RUNDC3B: variants seen among roughly 807,000 people sequenced by gnomAD.
The protein encoded by RUNDC3B is RUN domain-containing protein 3B.
In RUNDC3B, 33 loss-of-function variants were observed where a neutral mutation model predicts 58.4. The observed-to-expected ratio is 0.56, with a 90% CI of 0.43 to 0.75. The LOEUF is 0.75. RUNDC3B is among the 30% of genes least tolerant of loss of function. The probability of loss-of-function intolerance (pLI) is 0.00; values close to 1 mark genes in which losing one functional copy is unlikely to be tolerated. For missense variants in RUNDC3B, 501 were observed against 535.7 expected, an observed-to-expected ratio of 0.94 and a Z score of 0.64; for synonymous variants, 193 against 195.2, an observed-to-expected ratio of 0.99 and a Z score of 0.10.
chr7:87,692,612 G>T (rs965133961), intron 2 of RUNDC3B, among the ~76,000 whole-genome samples: 11 of 152,124 alleles, frequency 7.2e-5, no homozygotes, highest in Non-Finnish European at 1.5e-4. Flanking sequence ...CTTTAAGTCA[G>T]ATTTTCATGG....
intron 9 of RUNDC3B, among the ~76,000 whole-genome samples, chr7:87,812,659 G>T (rs1326866460): frequency 2.0e-5 from 3 of 152,154 alleles, no homozygotes; most frequent in Non-Finnish European, 2.9e-5. Context: ...GAAAGGTAAA[G>T]ATTAAACTAC....
intron 2 of RUNDC3B, among the ~76,000 whole-genome samples, chr7:87,694,386 A>C (rs1346320896): frequency 1.3e-5 from 2 of 152,140 alleles, no homozygotes; most frequent in African/African-American, 4.8e-5. Context: ...TTATTTACTT[A>C]TTCAAACCTT....
chr7:87,686,436 A>G (rs1361382841), intron 2 of RUNDC3B, among the ~76,000 whole-genome samples: 1 of 152,224 alleles, frequency 6.6e-6, no homozygotes, highest in Non-Finnish European at 1.5e-5. Flanking sequence ...AAAGAGGCAT[A>G]GAAGTACCTC....
At chr7:87,807,847 A>G (rs1040029249) in intron 9 of RUNDC3B, among the ~76,000 whole-genome samples, 1 of 152,184 alleles carries the variant, frequency 6.6e-6, no homozygotes, top group African/African-American at 2.4e-5. Context: ...ATAAAACACA[A>G]TTTGAAGGAA....
intron 1 of RUNDC3B, among the ~76,000 whole-genome samples, chr7:87,646,747 G>C (rs1333580229): frequency 7.0e-6 from 1 of 142,674 alleles, no homozygotes; most frequent in African/African-American, 2.5e-5. Flanking sequence ...CCAGGGATTG[G>C]CAGCATTATT....
intron 6 of RUNDC3B, among the ~76,000 whole-genome samples, chr7:87,749,299 G>A (rs1006561605): frequency 2.6e-5 from 4 of 152,212 alleles, no homozygotes; most frequent in South Asian, 2.1e-4. Flanking sequence ...TTCTCATGAT[G>A]TACCATCATA....
chr7:87,820,608 T>C (rs1254406189), intron 10 of RUNDC3B, among the ~76,000 whole-genome samples: 1 of 152,130 alleles, frequency 6.6e-6, no homozygotes, highest in Admixed American at 6.5e-5. Context: ...TAGACCAATA[T>C]CCTTGATGAA....
intron 6 of RUNDC3B, among the ~76,000 whole-genome samples, chr7:87,743,524 G>C (rs1275200911): frequency 6.6e-6 from 1 of 152,062 alleles, no homozygotes; most frequent in Non-Finnish European, 1.5e-5. Flanking sequence ...CAGGAGTAAG[G>C]TGGTATCACA....
chr7:87,748,381 C>T (rs1182182304), intron 6 of RUNDC3B, among the ~76,000 whole-genome samples: 3 of 152,146 alleles, frequency 2.0e-5, no homozygotes, highest in Non-Finnish European at 4.4e-5. Flanking sequence ...TTCAGAGGGT[C>T]TGTGGGTCCT....
chr7:87,788,112 G>T (rs1473622972), intron 8 of RUNDC3B, among the ~76,000 whole-genome samples: 2 of 152,162 alleles, frequency 1.3e-5, no homozygotes, highest in Non-Finnish European at 2.9e-5. Flanking sequence ...CATTGACAAA[G>T]GTATATTTGA....
rs985325439 is a variant in RUNDC3B, at chr7:87,830,266, TAAA to T, written c.*247_*249del. The T allele has an allele frequency of 4.4e-5, 10 of 227,052 alleles. No homozygotes were observed. The highest frequency in any genetic ancestry group is 2.4e-4 in the East Asian group (3 of 12,386). 14.1% of individuals were successfully genotyped at this position (227,052 alleles called of 1,614,324 possible). On this transcript the variant is annotated 3_prime_UTR_variant, in exon 11 of 11. Coordinates refer to ENST00000394654, the MANE Select transcript of RUNDC3B (RefSeq NM_001134405.2). ...AGAAAGTTCAAAATGGAATAGGCTTTAAAAAAAAAAAAACTTTCAAAGATCCGC... is the reference window on the plus strand; with the variant it reads ...AGAAAGTTCAAAATGGAATAGGCTTTAAAAAAAAAACTTTCAAAGATCCGC...
Position 87,826,894 on chromosome 7 carries a change from T to C in RUNDC3B, c.1226-2991T>C, listed in dbSNP as rs543573479. Reference sequence around the variant, plus strand: ...ACTAGAAAGGGAGAAAAGAATGAAGTTGGCATTAGATTTGTCTAGTTGTAT... The same window carrying C: ...ACTAGAAAGGGAGAAAAGAATGAAGCTGGCATTAGATTTGTCTAGTTGTAT... On this transcript the variant is annotated intron_variant, in intron 10 of 10. Coordinates refer to ENST00000394654, the MANE Select transcript of RUNDC3B (RefSeq NM_001134405.2). Among the ~76,000 whole-genome samples, 8 of 152,274 alleles carry C rather than the reference T, an allele frequency of 5.3e-5. No individual in the cohort carries two copies. In the South Asian group the frequency reaches 1.5e-3, roughly 28 times the overall value.
rs554052979 is a variant in RUNDC3B at position 87,739,890 on chromosome 7, C to A, written c.548+10C>A. On this transcript the variant is annotated intron_variant, in intron 5 of 10. Transcript: ENST00000394654. Reference sequence around the variant, plus strand: ...ATGCTATTGATTTCAGGTACTTAACCAAATGCATTCAGTTTTTAAATTATT... The same window carrying A: ...ATGCTATTGATTTCAGGTACTTAACAAAATGCATTCAGTTTTTAAATTATT... The A allele has an allele frequency of 1.5e-6, 2 of 1,350,100 alleles. No individual in the cohort carries two copies. Among genetic ancestry groups the A allele is most frequent in the Non-Finnish European group, 2.1e-6 (2 of 960,514 alleles). The allele number at this position is 1,350,100 out of a possible 1,614,324, so 83.6% of individuals were successfully genotyped here. A position where few individuals can be genotyped will look rare whatever the true frequency, so the allele number is the denominator to read the frequency against.
chr7:87,731,053 G>C (rs1831547014), intron 4 of RUNDC3B, among the ~76,000 whole-genome samples: 1 of 152,024 alleles, frequency 6.6e-6, no homozygotes, highest in African/African-American at 2.4e-5. Flanking sequence ...AGTGACCAAA[G>C]ACTAAGGTCC....
chr7:87,829,470 C>T (rs1334400261), intron 10 of RUNDC3B, among the ~76,000 whole-genome samples: 1 of 152,064 alleles, frequency 6.6e-6, no homozygotes, highest in African/African-American at 2.4e-5. Context: ...CCATTGCTTA[C>T]TTTTGTCAAC....
chr7:87,727,968 G>C (rs559806037), intron 4 of RUNDC3B, among the ~76,000 whole-genome samples: 1 of 152,168 alleles, frequency 6.6e-6, no homozygotes, highest in East Asian at 1.9e-4. Context: ...GAATCATTAT[G>C]AGCAAAGGAA....
At chr7:87,780,137 A>G (rs1712100918) in intron 8 of RUNDC3B, among the ~76,000 whole-genome samples, 1 of 152,130 alleles carries the variant, frequency 6.6e-6, no homozygotes, top group Admixed American at 6.5e-5. Flanking sequence ...TTTCTTTTGG[A>G]TATATACCTA....
Position 87,690,668 on chromosome 7 carries a change from C to T in RUNDC3B, c.239-9753C>T, listed in dbSNP as rs544668991. On this transcript the variant is annotated intron_variant, in intron 2 of 10. Coordinates refer to ENST00000394654, the MANE Select transcript of RUNDC3B (RefSeq NM_001134405.2). ...TGTTGCTTCGCTGAAAAATTTTCCTCCTATGTAAATACAAAGTGAAAGATT... is the reference window on the plus strand; with the variant it reads ...TGTTGCTTCGCTGAAAAATTTTCCTTCTATGTAAATACAAAGTGAAAGATT... Among the ~76,000 whole-genome samples the T allele has an allele frequency of 4.6e-5, 7 of 152,176 alleles. No individual in the cohort carries two copies. The East Asian group carries it at 1.4e-3, about 29-fold the overall frequency.
At chr7:87,679,234 A>C (rs943318807) in intron 2 of RUNDC3B, among the ~76,000 whole-genome samples, 1 of 148,848 alleles carries the variant, frequency 6.7e-6, no homozygotes, top group Non-Finnish European at 1.5e-5. Context: ...CTGGGACTAC[A>C]GGTGCCCGCC....
Sources: gnomAD v4.1 joint callset for allele counts (sites outside exome capture counted in the v4.1 genomes callset) on GRCh38, gnomAD v4.1.1 for gene constraint, MANE v1.5 for transcripts, NCBI Gene and HGNC (gene_info 2026-07-23, HGNC 2026-07-21) for gene names.